The following LRP2 variants were observed in gnomAD, a reference collection of about 807,000 sequenced individuals.
LRP2 encodes the protein low-density lipoprotein receptor-related protein 2.
A neutral mutation model predicts 531.0 loss-of-function variants in LRP2; 172 were observed. The ratio of observed to expected loss-of-function variants is 0.32; its 90% confidence interval spans 0.29 to 0.37. The LOEUF is 0.37. Ranked by LOEUF, LRP2 falls within the 10% of genes least tolerant of loss-of-function variation. The probability of loss-of-function intolerance (pLI) is 1.00; values close to 1 mark genes in which losing one functional copy is unlikely to be tolerated. For synonymous variants in LRP2, 1,992 were observed against 2,027.6 expected, an observed-to-expected ratio of 0.98 and a Z score of 0.47; for missense variants, 5,167 against 5,868.3, an observed-to-expected ratio of 0.88 and a Z score of 3.90.
chr2:169,239,680 G>A lies in LRP2; in HGVS notation c.4141C>T (p.Leu1381Phe). The change falls in exon 26 of 79, where the codon CTT (leucine) becomes TTT (phenylalanine). Residue 1381 changes from leucine (L) to phenylalanine (F), a missense_variant. By Grantham distance (22) the Leu-to-Phe change is conservative. This residue lies in a region of LRP2 where 2,811 missense variants were observed against 3,058.0 expected (regional missense o/e 0.92). Coordinates refer to ENST00000649046, the MANE Select transcript of LRP2 (RefSeq NM_004525.3). The stretch of plus-strand genomic sequence containing the variant: ...TCACAGGTCTTAGAATCATTGGCAA[G>A]TAAGAATCCCAATGGACATAGGCAT... ...AKCLCPLGFL[L>F]ANDSKTCEDI... 6.2e-7 allele frequency: 1 copy of A among 1,613,522 alleles called. No homozygotes were observed. Among genetic ancestry groups the A allele is most frequent in the Non-Finnish European group, 8.5e-7 (1 of 1,179,420 alleles).
chr2:169,196,008 T>G (rs1687990727), intron 46 of LRP2, among the ~76,000 whole-genome samples: 1 of 152,210 alleles, frequency 6.6e-6, no homozygotes, highest in Admixed American at 6.5e-5. Context: ...AACCTAATGC[T>G]TAATAATAGA....
intron 66 of LRP2, 148 bp from the exon 67 acceptor site, chr2:169,153,112 C>A (rs1338187632): frequency 2.6e-6 from 2 of 769,150 alleles, no homozygotes; most frequent in East Asian, 2.5e-5. Context: ...TCAATGACAT[C>A]AGTATAATCA....
chr2:169,233,377 A>G, intron 30 of LRP2, 34 bp downstream of exon 30: 1 of 1,612,410 alleles, frequency 6.2e-7, no homozygotes, highest in South Asian at 1.1e-5. Flanking sequence ...TTTTCAAGCT[A>G]CTCCCAGGCA....
Position 169,275,098 on chromosome 2 carries a change from T to C in LRP2, c.1913A>G (p.Tyr638Cys). Reference sequence around the variant, plus strand: ...ATAGGGCCTCAGGGAAGCCTGGTAGTACACTTGTGGGTTGGTCTCTGTGAA... The same window carrying C: ...ATAGGGCCTCAGGGAAGCCTGGTAGCACACTTGTGGGTTGGTCTCTGTGAA... ...NKFTETNPQV[Y>C]YQASLRPYGV... The change falls in exon 14 of 79, where the codon TAC (tyrosine) becomes TGC (cysteine). Residue 638 changes from tyrosine to cysteine, a missense_variant. Coordinates refer to ENST00000649046, the MANE Select transcript of LRP2 (RefSeq NM_004525.3). 1.2e-6 allele frequency: 2 copies of C among 1,613,806 alleles called. No homozygotes were observed. Among genetic ancestry groups the C allele is most frequent in the Non-Finnish European group, 1.7e-6 (2 of 1,179,854 alleles).
chr2:169,328,441 T>TAAAAAAAAAAAGAAAAA (rs1685176519), intron 1 of LRP2, among the ~76,000 whole-genome samples: 2 of 49,118 alleles, frequency 4.1e-5, no homozygotes, highest in African/African-American at 1.5e-4. Flanking sequence ...CGGGCCGGGA[T>TAAAAAAAAAAAGAAAAA]AAAAAAAAAA....
chr2:169,325,686 T>C (rs559465344), intron 1 of LRP2, among the ~76,000 whole-genome samples: 12 of 152,324 alleles, frequency 7.9e-5, no homozygotes, highest in Non-Finnish European at 1.6e-4. Flanking sequence ...ATTCAGTTAA[T>C]GAAACTGAAA....
intron 69 of LRP2, among the ~76,000 whole-genome samples, chr2:169,146,521 A>T (rs1288625222): frequency 2.0e-5 from 3 of 151,930 alleles, no homozygotes; most frequent in Admixed American, 1.3e-4. Flanking sequence ...ATTTTTTTTT[A>T]AAGTTGTGTA....
At chr2:169,256,034 A>G (rs779127950) in intron 19 of LRP2, 72 bp downstream of exon 19, 16 of 1,512,686 alleles carry the variant, frequency 1.1e-5, no homozygotes, top group Non-Finnish European at 1.5e-5. Flanking sequence ...AAAATGCCAC[A>G]TGAGGATGAG....
intron 16 of LRP2, among the ~76,000 whole-genome samples, chr2:169,259,673 A>G (rs761964559): frequency 1.3e-4 from 19 of 151,924 alleles, no homozygotes; most frequent in Admixed American, 3.3e-4. Context: ...CACAGCCACA[A>G]AGTTGCCAAG....
chr2:169,149,950 G>A (rs999637544), intron 68 of LRP2, among the ~76,000 whole-genome samples: 4 of 151,778 alleles, frequency 2.6e-5, no homozygotes, highest in South Asian at 4.2e-4. Flanking sequence ...AAAATTAAAC[G>A]GCACACTGGA....
chr2:169,281,043 G>C (rs1425445804), intron 10 of LRP2, among the ~76,000 whole-genome samples: 2 of 152,132 alleles, frequency 1.3e-5, no homozygotes, highest in Non-Finnish European at 2.9e-5. Flanking sequence ...AATAGCAAAA[G>C]ATAAGGAATG....
chr2:169,191,783 C>T (rs745998288), intron 48 of LRP2, 49 bp downstream of exon 48: 2 of 1,542,456 alleles, frequency 1.3e-6, no homozygotes, highest in Admixed American at 3.3e-5. Context: ...GAGCCCAGCC[C>T]CCATGGACAT....
chr2:169,169,640 G>A (rs755725011), intron 60 of LRP2, 62 bp downstream of exon 60: 20 of 1,303,238 alleles, frequency 1.5e-5, no homozygotes, highest in East Asian at 2.3e-5. Context: ...GCGGACTGAT[G>A]TCTAAACTAT....
intron 1 of LRP2, among the ~76,000 whole-genome samples, chr2:169,360,355 A>C (rs535819005): frequency 6.6e-6 from 1 of 152,212 alleles, no homozygotes; most frequent in East Asian, 1.9e-4. Context: ...TTGAGTCAAT[A>C]AGTATAAAGT....
intron 4 of LRP2, among the ~76,000 whole-genome samples, chr2:169,306,466 G>A (rs1212487233): frequency 6.6e-6 from 1 of 152,158 alleles, no homozygotes; most frequent in African/African-American, 2.4e-5. Context: ...CCTGGGAGGT[G>A]GAGGTTGCGG....
chr2:169,235,433 T>G (rs1283295877), intron 29 of LRP2, among the ~76,000 whole-genome samples: 6 of 151,862 alleles, frequency 4.0e-5, no homozygotes, highest in African/African-American at 9.7e-5. Context: ...GAGATGAGGT[T>G]TCACCATGTT....
At chr2:169,289,615 T>C (rs1271590536) in intron 8 of LRP2, among the ~76,000 whole-genome samples, 1 of 152,014 alleles carries the variant, frequency 6.6e-6, no homozygotes, top group Admixed American at 6.6e-5. Context: ...TGTGCAAGTA[T>C]AAGTCATTAA....
intron 70 of LRP2, among the ~76,000 whole-genome samples, chr2:169,144,592 C>T (rs1049560434): frequency 1.3e-5 from 2 of 152,132 alleles, no homozygotes; most frequent in Admixed American, 6.5e-5. Context: ...GTGTGAGAGC[C>T]GCAAGGGCAC....
chr2:169,193,639 T>A, intron 47 of LRP2, 122 bp downstream of exon 47: 1 of 1,217,936 alleles, frequency 8.2e-7, no homozygotes, highest in South Asian at 1.2e-5. Flanking sequence ...AAAGGTAACA[T>A]TCTATCAGTG....
Sources: allele counts gnomAD v4.1 joint callset (sites outside exome capture counted in the v4.1 genomes callset), GRCh38; gene constraint gnomAD v4.1.1; regional missense constraint gnomAD v4.1.1; transcripts MANE v1.5; gene names NCBI Gene and HGNC (gene_info 2026-07-23, HGNC 2026-07-21).